Variants in ABCA1 observed in about 807,000 individuals in gnomAD.
The protein encoded by ABCA1 is phospholipid-transporting ATPase ABCA1.
A neutral mutation model predicts 262.5 loss-of-function variants in ABCA1; 133 were observed. The observed-to-expected ratio is 0.51, with a 90% confidence interval of 0.44 to 0.59. The LOEUF (loss-of-function observed/expected upper bound fraction) is 0.59. ABCA1 is among the 20% of genes least tolerant of loss of function. The probability of loss-of-function intolerance (pLI) is 0.00; values close to 1 mark genes in which losing one functional copy is unlikely to be tolerated. For synonymous variants in ABCA1, 1,022 were observed against 1,043.5 expected (o/e 0.98, Z 0.40); for missense variants, 2,452 against 2,777.5 (o/e 0.88, Z 2.63).
chr9:104,831,123 T>G, intron 13 of ABCA1, 22 bp from the exon 14 acceptor site: 1 of 1,444,144 alleles, frequency 6.9e-7, no homozygotes, highest in South Asian at 1.1e-5. Context: ...CCACAGGTAA[T>G]CAACCATTCC....
At chr9:104,830,848 C>T in intron 14 of ABCA1, 77 bp downstream of exon 14, 2 of 1,498,400 alleles carry the variant, frequency 1.3e-6, no homozygotes, top group South Asian at 1.1e-5. Context: ...CACATGCATG[C>T]ACATGCACAC....
intron 28 of ABCA1, 127 bp downstream of exon 28, chr9:104,812,447 T>C (rs1831359969): frequency 7.9e-7 from 1 of 1,259,916 alleles, no homozygotes; most frequent in African/African-American, 1.5e-5. Flanking sequence ...AGAACTGGGA[T>C]TGAAATACAG....
intron 2 of ABCA1, among the ~76,000 whole-genome samples, chr9:104,892,673 T>C (rs1839853252): frequency 1.3e-5 from 2 of 152,174 alleles, no homozygotes; most frequent in Admixed American, 1.3e-4. Flanking sequence ...TGAGCTGGTT[T>C]AAAAGATAAT....
At chr9:104,828,662 T>C (rs1832996487) in intron 15 of ABCA1, among the ~76,000 whole-genome samples, 1 of 152,220 alleles carries the variant, frequency 6.6e-6, no homozygotes, top group African/African-American at 2.4e-5. Flanking sequence ...GTTGAGCATG[T>C]GGTTATCTGG....
At chr9:104,849,245 T>C (rs1217514242) in intron 7 of ABCA1, among the ~76,000 whole-genome samples, 1 of 152,188 alleles carries the variant, frequency 6.6e-6, no homozygotes, top group Non-Finnish European at 1.5e-5. Context: ...GGAATGTAAT[T>C]GAGCATGGAT....
intron 9 of ABCA1, 124 bp from the exon 10 acceptor site, chr9:104,837,691 T>C: frequency 8.6e-7 from 1 of 1,157,380 alleles, no homozygotes; most frequent in Non-Finnish European, 1.2e-6. Flanking sequence ...AGTCATATAA[T>C]AAGTAACTTA....
At chr9:104,891,019 A>G (rs532549768) in intron 2 of ABCA1, among the ~76,000 whole-genome samples, 1 of 152,142 alleles carries the variant, frequency 6.6e-6, no homozygotes, top group Non-Finnish European at 1.5e-5. Context: ...CTGTTTTTTC[A>G]TTTAACATCA....
chr9:104,785,703 C>A, intron 48 of ABCA1, 64 bp from the exon 49 acceptor site: 1 of 1,601,846 alleles, frequency 6.2e-7, no homozygotes, highest in South Asian at 1.1e-5. Context: ...GAATACTGAA[C>A]CCTGGGAACC....
intron 10 of ABCA1, among the ~76,000 whole-genome samples, 161 bp downstream of exon 10, chr9:104,837,267 C>G (rs1833904372): frequency 6.6e-6 from 1 of 152,236 alleles, no homozygotes; most frequent in South Asian, 2.1e-4. Context: ...GACTGGGGAG[C>G]TGGCCCAGCT....
intron 1 of ABCA1, among the ~76,000 whole-genome samples, chr9:104,909,082 G>GGA (rs1841341406): frequency 6.6e-6 from 1 of 152,150 alleles, no homozygotes; most frequent in South Asian, 2.1e-4. Context: ...CCTAAGAACT[G>GGA]GATAGTGTAA....
At position 104,799,823 on chromosome 9, in the gene ABCA1, C is replaced by G. The variant is rs764283065; in HGVS notation, c.4939G>C (p.Ala1647Pro). 1 of 1,614,046 alleles carries G rather than the reference C, an allele frequency of 6.2e-7. No individual in the cohort carries two copies. The highest frequency in any genetic ancestry group is 8.5e-7 in the Non-Finnish European group (1 of 1,180,012). ...TACAGACACAGCCACACTTACAGAG[C>G]CACCTCTGAGAGCTGCTGCTTGGTG... The part of the protein sequence containing the change: ...NLTKQQLSEV[A>P]LMTTSVDVLV... Residue 1647 changes from alanine (A) to proline (P), a missense_variant, in exon 36 of 50, where the codon GCT becomes CCT. By Grantham distance (27) the Ala-to-Pro change is conservative. Around this residue, in one of 4 missense-constraint regions of ABCA1, gnomAD observed 752 missense variants for 944.5 expected, o/e 0.80. Transcript: ENST00000374736.
chr9:104,851,146 C>T (rs1207766516), intron 7 of ABCA1, among the ~76,000 whole-genome samples: 2 of 152,164 alleles, frequency 1.3e-5, no homozygotes, highest in Admixed American at 6.5e-5. Flanking sequence ...CTGTTGTGCC[C>T]CATTCTTTCT....
intron 7 of ABCA1, among the ~76,000 whole-genome samples, chr9:104,853,333 A>G (rs1247481643): frequency 2.0e-5 from 3 of 152,208 alleles, no homozygotes; most frequent in Admixed American, 6.5e-5. Context: ...ACAGAGCCCA[A>G]ACCTAGCTCA....
chr9:104,809,441 T>C, intron 30 of ABCA1, 25 bp downstream of exon 30: 1 of 1,610,172 alleles, frequency 6.2e-7, no homozygotes, highest in South Asian at 1.1e-5. Context: ...ACAAGAAGCC[T>C]GCTTATGGCT....
In ABCA1 at chr9:104,783,477, A is replaced by C. The variant is rs1343761309; in HGVS notation, c.*838T>G. 6.6e-6 allele frequency: 1 copy of C among 152,302 alleles called. No homozygotes were observed. 9.4% of individuals were successfully genotyped at this position (152,302 alleles called of 1,614,324 possible). A position where few individuals can be genotyped will look rare whatever the true frequency, so the allele number is the denominator to read the frequency against. Reference sequence around the variant, plus strand: ...TTTAATCCCATGCCCTGGCTTCAGCAGCTTGCAGCCCCAGCAGTTTGGCTG... The same window carrying C: ...TTTAATCCCATGCCCTGGCTTCAGCCGCTTGCAGCCCCAGCAGTTTGGCTG... On this transcript the variant is annotated 3_prime_UTR_variant, in exon 50 of 50. Coordinates refer to ENST00000374736, the MANE Select transcript of ABCA1 (RefSeq NM_005502.4).
intron 30 of ABCA1, among the ~76,000 whole-genome samples, chr9:104,806,672 C>G (rs530609853): frequency 2.0e-5 from 3 of 152,238 alleles, no homozygotes; most frequent in South Asian, 4.1e-4. Flanking sequence ...CAAAGAGGCC[C>G]TAAATATTTA....
intron 13 of ABCA1, 120 bp from the exon 14 acceptor site, chr9:104,831,221 C>CA: frequency 9.4e-6 from 7 of 741,152 alleles, no homozygotes; most frequent in African/African-American, 3.9e-5. Flanking sequence ...ATTTTTGTAT[C>CA]TTTTTTTTTT....
intron 46 of ABCA1, chr9:104,787,684 T>A (rs1255246950): frequency 4.8e-6 from 1 of 210,234 alleles, no homozygotes; most frequent in African/African-American, 2.4e-5. Context: ...CCAGCCTCAA[T>A]CACGCTAAGA....
chr9:104,825,147 G>A (rs941338922), intron 17 of ABCA1, among the ~76,000 whole-genome samples: 4 of 152,106 alleles, frequency 2.6e-5, no homozygotes, highest in African/African-American at 9.7e-5. Context: ...TAAATCACAG[G>A]CAGGCCTTAG....
Sources: gnomAD v4.1 joint callset for allele counts (sites outside exome capture counted in the v4.1 genomes callset) on GRCh38, gnomAD v4.1.1 for gene constraint, gnomAD v4.1.1 regional missense constraint, MANE v1.5 for transcripts, NCBI Gene and HGNC (gene_info 2026-07-23, HGNC 2026-07-21) for gene names.